Variants in PRDM12 observed in about 807,000 individuals in gnomAD.
The protein encoded by PRDM12 is PR/SET domain 12.
PRDM12 carries 17 observed loss-of-function variants against 29.6 expected under a neutral mutation model. The ratio of observed to expected loss-of-function variants is 0.57; its 90% confidence interval spans 0.39 to 0.86. The LOEUF is 0.86. Ranked by LOEUF, PRDM12 falls within the 40% of genes least tolerant of loss-of-function variation. PRDM12 has a pLI of 0.00. For synonymous variants in PRDM12, 231 were observed against 225.8 expected (o/e 1.02, Z -0.21); for missense variants, 422 against 510.8 (o/e 0.83, Z 1.68).
Position 130,668,145 on chromosome 9 carries a change from C to T in PRDM12, c.415-13C>T. On this transcript the variant is annotated splice_polypyrimidine_tract_variant and intron_variant, in intron 2 of 4. Transcript: ENST00000253008. The surrounding 1 kb of genome is among the most constrained non-coding windows in gnomAD (Gnocchi z 4.0). ...GCCCTGCCTTACCTGGTCCTTGATCCATCTGTGCCCAGGTGTTCAATGAGG... is the reference window on the plus strand; with the variant it reads ...GCCCTGCCTTACCTGGTCCTTGATCTATCTGTGCCCAGGTGTTCAATGAGG... 1.9e-6 allele frequency: 3 copies of T among 1,613,822 alleles called. No individual in the cohort carries two copies. The highest frequency in any genetic ancestry group is 2.5e-6 in the Non-Finnish European group (3 of 1,179,842).
In PRDM12 at chr9:130,681,151, G is replaced by A. The variant is rs1204379748; in HGVS notation, c.683-97G>A. The A allele has an allele frequency of 3.2e-6, 4 of 1,235,934 alleles. No individual in the cohort carries two copies. The highest frequency in any genetic ancestry group is 6.2e-5 in the East Asian group (2 of 32,488). The allele number at this position is 1,235,934 out of a possible 1,614,324, so 76.6% of individuals were successfully genotyped here. On this transcript the variant is annotated intron_variant, in intron 4 of 4. Coordinates refer to ENST00000253008, the MANE Select transcript of PRDM12 (RefSeq NM_021619.3). The surrounding 1 kb of genome is among the most constrained non-coding windows in gnomAD (Gnocchi z 8.1). Reference sequence around the variant, plus strand: ...AGGACGGACCGGCCCCGGGCTGGGGGCGCTGAGGGCCCGGGCTGCGGGGCG... The same window carrying A: ...AGGACGGACCGGCCCCGGGCTGGGGACGCTGAGGGCCCGGGCTGCGGGGCG...
In PRDM12 at chr9:130,674,532, G is replaced by GTGTA. The variant is rs776616682; in HGVS notation, c.571-3996_571-3995insGTAT. Among the ~76,000 whole-genome samples, 103 of 144,774 alleles carry GTGTA rather than the reference G, an allele frequency of 7.1e-4. 1 individual carries two copies. Among genetic ancestry groups the GTGTA allele is most frequent in the Middle Eastern group, 3.5e-3 (1 of 286 alleles). The allele number at this position is 144,774 out of a possible 152,430, so 95.0% of individuals were successfully genotyped here. On this transcript the variant is annotated intron_variant, in intron 3 of 4. Coordinates refer to ENST00000253008, the MANE Select transcript of PRDM12 (RefSeq NM_021619.3). ...TGTGTGTGTGTGTGTGTGTGTGTGT[G>GTGTA]TATAGAAGTAATATGTGCTCATTAT...
At chr9:130,680,657 ATAT>A (rs1276711451) in intron 4 of PRDM12, among the ~76,000 whole-genome samples, 66 of 87,488 alleles carry the variant, frequency 7.5e-4, no homozygotes, top group African/African-American at 2.9e-3. Flanking sequence ...ATATATATAT[ATAT>A]TTTTTTTTTT....
chr9:130,671,212 G>A (rs956305246), intron 3 of PRDM12, among the ~76,000 whole-genome samples: 4 of 152,102 alleles, frequency 2.6e-5, no homozygotes, highest in Non-Finnish European at 5.9e-5. Flanking sequence ...AGTCATGGTG[G>A]CGGGTGTCTG....
In PRDM12 at chr9:130,681,564, C is replaced by T. The variant is rs1453242370; in HGVS notation, c.999C>T (p.His333=). Residue 333 remains histidine (H), a synonymous_variant, in exon 5 of 5, where the codon CAC becomes CAT. Transcript: ENST00000253008. The surrounding 1 kb of genome is among the most constrained non-coding windows in gnomAD (Gnocchi z 8.1). ...CGCCCAGCACCGCGCTGCAGGCACA[C>T]TCGCCCGCGCTGCCCGCCCCGCACG... ...HRPPSTALQA[H]SPALPAPHAH... is the part of the protein sequence containing the mutation. 4.1e-6 allele frequency: 5 copies of T among 1,216,774 alleles called. No individual in the cohort carries two copies. Among genetic ancestry groups the T allele is most frequent in the African/African-American group, 1.6e-5 (1 of 63,502 alleles). 75.4% of individuals were successfully genotyped at this position (1,216,774 alleles called of 1,614,324 possible).
rs189233083 is a variant in PRDM12 at position 130,678,319 on chromosome 9, C to G, written c.571-210C>G. On this transcript the variant is annotated intron_variant, in intron 3 of 4. Transcript: ENST00000253008. Reference sequence around the variant, plus strand: ...GGAGCTTGGACAGAGATGGCCTGGGCAGGGAGAGGGGGGCAGAGGGGCTCG... The same window carrying G: ...GGAGCTTGGACAGAGATGGCCTGGGGAGGGAGAGGGGGGCAGAGGGGCTCG... 3.1e-3 allele frequency among the ~76,000 whole-genome samples: 476 copies of G among 151,874 alleles called. 1 individual carries two copies. Among genetic ancestry groups the G allele is most frequent in the African/African-American group, 0.011 (452 of 41,414 alleles).
intron 3 of PRDM12, among the ~76,000 whole-genome samples, chr9:130,674,524 G>A (rs971604852): frequency 9.9e-5 from 15 of 151,776 alleles, no homozygotes; most frequent in African/African-American, 3.4e-4. Context: ...GTGTGTGTGT[G>A]TGTGTGTGTA....
intron 3 of PRDM12, among the ~76,000 whole-genome samples, chr9:130,674,504 G>GTGTC (rs1830818369): frequency 6.6e-6 from 1 of 150,546 alleles, no homozygotes; most frequent in Admixed American, 6.6e-5. Context: ...GTGTGTGTGT[G>GTGTC]TGTGTGTGTG....
intron 4 of PRDM12, among the ~76,000 whole-genome samples, chr9:130,680,659 A>ATATATATATATATATATATTTT: frequency 9.7e-5 from 7 of 72,164 alleles, no homozygotes; most frequent in East Asian, 6.5e-4. Context: ...ATATATATAT[A>ATATATATATATATATATATTTT]TTTTTTTTTT....
intron 4 of PRDM12, 149 bp downstream of exon 4, chr9:130,678,789 A>G: frequency 3.1e-6 from 2 of 640,010 alleles, no homozygotes; most frequent in Non-Finnish European, 5.4e-6. Context: ...TCAGACATAC[A>G]GGTCCAAGGA....
At chr9:130,666,141 C>T (rs1429612990) in intron 1 of PRDM12, among the ~76,000 whole-genome samples, 3 of 152,242 alleles carry the variant, frequency 2.0e-5, no homozygotes, top group Non-Finnish European at 2.9e-5. Context: ...GCTCCTCTGC[C>T]AGTGCCCAGA....
At position 130,668,784 on chromosome 9, in the gene PRDM12, A is replaced by G. The variant is rs1445259344; in HGVS notation, c.570+471A>G. Reference sequence around the variant, plus strand: ...CCAGTGGCTTACGGCTCATGACTCCAGACTCAGCGATGGCTCCCCGTGTGT... The same window carrying G: ...CCAGTGGCTTACGGCTCATGACTCCGGACTCAGCGATGGCTCCCCGTGTGT... On this transcript the variant is annotated intron_variant, in intron 3 of 4. Coordinates refer to ENST00000253008, the MANE Select transcript of PRDM12 (RefSeq NM_021619.3). The surrounding 1 kb of genome is among the most constrained non-coding windows in gnomAD (Gnocchi z 4.0). Among the ~76,000 whole-genome samples the G allele has an allele frequency of 6.6e-6, 1 of 152,130 alleles. No homozygotes were observed. Among genetic ancestry groups the G allele is most frequent in the African/African-American group, 2.4e-5 (1 of 41,398 alleles).
intron 3 of PRDM12, among the ~76,000 whole-genome samples, chr9:130,670,131 C>G (rs1327323906): frequency 6.6e-6 from 1 of 152,128 alleles, no homozygotes; most frequent in African/African-American, 2.4e-5. Context: ...AGGCTGGTAG[C>G]AAGTGCTGTG....
intron 3 of PRDM12, among the ~76,000 whole-genome samples, chr9:130,675,356 G>T (rs866230749): frequency 3.9e-5 from 6 of 152,222 alleles, no homozygotes; most frequent in Admixed American, 3.9e-4. Context: ...TTTCCCTTCT[G>T]GGGGAGATGG....
intron 3 of PRDM12, among the ~76,000 whole-genome samples, chr9:130,677,218 C>T (rs1415841887): frequency 1.3e-5 from 2 of 152,248 alleles, no homozygotes; most frequent in Non-Finnish European, 2.9e-5. Context: ...AGCCACCACG[C>T]CCGACCTCCA....
At chr9:130,674,773 C>A (rs1830826327) in intron 3 of PRDM12, among the ~76,000 whole-genome samples, 1 of 152,164 alleles carries the variant, frequency 6.6e-6, no homozygotes, top group South Asian at 2.1e-4. Flanking sequence ...GTCTGCATCG[C>A]TGTTTTAATT....
Position 130,681,377 on chromosome 9 carries a change from T to C in PRDM12, c.812T>C (p.Phe271Ser). ...CGCATCCACACGCTGGACAAGCCCT[T>C]CGTGTGCCGCTTCTGCAACCGCCGC... ...HMRIHTLDKP[F>S]VCRFCNRRFS... The change falls in exon 5 of 5, where the codon TTC becomes TCC. Residue 271 changes from phenylalanine (F) to serine (S), a missense_variant. Phe to Ser is a radical substitution (Grantham distance 155). Transcript: ENST00000253008. This position sits in a 1 kb window ranked among gnomAD's most constrained non-coding sequence, Gnocchi z 8.1. The C allele has an allele frequency of 6.3e-7, 1 of 1,593,446 alleles. No homozygotes were observed.
intron 2 of PRDM12, 45 bp downstream of exon 2, chr9:130,666,843 C>T (rs575816623): frequency 1.3e-6 from 2 of 1,542,532 alleles, no homozygotes; most frequent in South Asian, 1.2e-5. Context: ...CGGCGAGGGG[C>T]GCTGGTCGCG....
intron 2 of PRDM12, among the ~76,000 whole-genome samples, chr9:130,667,273 TG>T (rs747725318): frequency 6.6e-6 from 1 of 152,342 alleles, no homozygotes; most frequent in South Asian, 2.1e-4. Context: ...ACGATGACTG[TG>T]GCTGAGGTGG....
Sources: allele counts gnomAD v4.1 joint callset (sites outside exome capture counted in the v4.1 genomes callset), GRCh38; gene constraint gnomAD v4.1.1; non-coding constraint Gnocchi (gnomAD v3.1); transcripts MANE v1.5; gene names NCBI Gene and HGNC (gene_info 2026-07-23, HGNC 2026-07-21).